Variants in SMCO4 observed in about 807,000 individuals in gnomAD.
The protein encoded by SMCO4 is single-pass membrane and coiled-coil domain-containing protein 4.
SMCO4 carries 4 observed loss-of-function variants against 3.6 expected under a neutral mutation model. The ratio of observed to expected loss-of-function variants is 1.11; its 90% CI spans 0.54 to 2.53. The LOEUF (loss-of-function observed/expected upper bound fraction) is 2.53, where lower values mean the gene tolerates loss of function less well. Ranked by LOEUF, SMCO4 falls within the 30% of genes most tolerant of loss-of-function variation. The pLI is 0.02. For missense variants in SMCO4, 70 were observed against 80.8 expected (o/e 0.87, Z 0.51); for synonymous variants, 36 against 35.3 (o/e 1.02, Z -0.07).
chr11:93,487,392 G>A (rs1361220098), intron 2 of SMCO4, among the ~76,000 whole-genome samples: 1 of 152,172 alleles, frequency 6.6e-6, no homozygotes, highest in Non-Finnish European at 1.5e-5. Context: ...CCCTGCTGCC[G>A]ACAGGCCACA....
At chr11:93,511,134 T>C (rs769737828) in intron 1 of SMCO4, among the ~76,000 whole-genome samples, 12 of 151,838 alleles carry the variant, frequency 7.9e-5, no homozygotes, top group Non-Finnish European at 5.9e-5. Flanking sequence ...ACTCAAAAGA[T>C]TTTGACCCAC....
At position 93,481,364 on chromosome 11, in the gene SMCO4, G is replaced by A. The variant is rs538696003; in HGVS notation, c.-80-2095C>T. On this transcript the variant is annotated intron_variant, in intron 2 of 2. Transcript: ENST00000298966. Reference sequence around the variant, plus strand: ...GGCTGAGACATCTCCACCCATACCCGTGGGCGGCCCAGGGACGGGTGCACT... The same window carrying A: ...GGCTGAGACATCTCCACCCATACCCATGGGCGGCCCAGGGACGGGTGCACT... 6.5e-4 allele frequency: 602 copies of A among 931,336 alleles called. 4 individuals are homozygous for A. The African/African-American group carries it at 9.3e-3, about 14-fold the overall frequency. 57.7% of individuals were successfully genotyped at this position (931,336 alleles called of 1,614,324 possible). A position where few individuals can be genotyped will look rare whatever the true frequency, so the allele number is the denominator to read the frequency against.
intron 2 of SMCO4, among the ~76,000 whole-genome samples, chr11:93,482,244 A>T (rs1948600089): frequency 6.6e-6 from 1 of 152,238 alleles, no homozygotes; most frequent in African/African-American, 2.4e-5. Flanking sequence ...TATGGTGAAA[A>T]GGGACCAACC....
At chr11:93,515,794 A>G (rs566991205) in intron 1 of SMCO4, among the ~76,000 whole-genome samples, 1 of 152,174 alleles carries the variant, frequency 6.6e-6, no homozygotes, top group East Asian at 1.9e-4. Flanking sequence ...ATGGGCTTGA[A>G]CAAATGTGCA....
intron 1 of SMCO4, among the ~76,000 whole-genome samples, chr11:93,516,025 G>A (rs1472019299): frequency 1.3e-5 from 2 of 152,100 alleles, no homozygotes; most frequent in African/African-American, 4.8e-5. Flanking sequence ...ATTCATTTGG[G>A]GCAGGGAAAG....
At chr11:93,521,472 A>T (rs1949058167) in intron 1 of SMCO4, among the ~76,000 whole-genome samples, 2 of 152,196 alleles carry the variant, frequency 1.3e-5, no homozygotes, top group Non-Finnish European at 2.9e-5. Flanking sequence ...TACCCTCATC[A>T]TACCCTGCCT....
chr11:93,535,879 G>A, intron 1 of SMCO4: 1 of 1,604,478 alleles, frequency 6.2e-7, no homozygotes, highest in Non-Finnish European at 8.5e-7. Flanking sequence ...TTTTCCTTTT[G>A]GCCACATAGC....
chr11:93,529,581 C>G (rs1171275430), intron 1 of SMCO4, among the ~76,000 whole-genome samples: 1 of 152,150 alleles, frequency 6.6e-6, no homozygotes, highest in Non-Finnish European at 1.5e-5. Flanking sequence ...AGTCTGAAAT[C>G]AGGCCCCCAT....
chr11:93,527,866 C>G (rs929046076), intron 1 of SMCO4, among the ~76,000 whole-genome samples: 17 of 152,112 alleles, frequency 1.1e-4, no homozygotes, highest in African/African-American at 4.1e-4. Context: ...CCCTCAAACT[C>G]CTGGGTTCAG....
chr11:93,507,740 T>A (rs756727985), intron 1 of SMCO4, among the ~76,000 whole-genome samples: 5 of 152,166 alleles, frequency 3.3e-5, no homozygotes, highest in Non-Finnish European at 7.4e-5. Flanking sequence ...TCAAAGACTA[T>A]CCACAATTAA....
At chr11:93,493,803 C>A in intron 2 of SMCO4, among the ~76,000 whole-genome samples, 1 of 152,144 alleles carries the variant, frequency 6.6e-6, no homozygotes. Flanking sequence ...CACTTCCAAG[C>A]CTCCTCATCT....
chr11:93,508,306 G>A (rs1223444023), intron 1 of SMCO4, among the ~76,000 whole-genome samples: 1 of 152,098 alleles, frequency 6.6e-6, no homozygotes, highest in Non-Finnish European at 1.5e-5. Context: ...TGCTGAGTAC[G>A]AAAATGGTAT....
chr11:93,512,163 T>C (rs1317056371), intron 1 of SMCO4, among the ~76,000 whole-genome samples: 3 of 152,232 alleles, frequency 2.0e-5, no homozygotes, highest in South Asian at 4.1e-4. Context: ...CTTCAAGTCA[T>C]AGTTTCCAAG....
chr11:93,509,621 G>A (rs1249341898), intron 1 of SMCO4, among the ~76,000 whole-genome samples: 6 of 152,152 alleles, frequency 3.9e-5, no homozygotes, highest in Admixed American at 1.3e-4. Context: ...CATATACCAC[G>A]AAAGACTACT....
Position 93,497,432 on chromosome 11 carries a change from C to A in SMCO4, c.-81+1844G>T, listed in dbSNP as rs553448141. ...ATTAAATTTCTTGTATTTAAATTAG[C>A]CTTAACAAAAACAAAACTTTCAAGA... On this transcript the variant is annotated intron_variant, in intron 2 of 2. Coordinates refer to ENST00000298966, the MANE Select transcript of SMCO4 (RefSeq NM_020179.3). Among the ~76,000 whole-genome samples the A allele has an allele frequency of 1.9e-4, 29 of 152,190 alleles. No individual in the cohort carries two copies. In the South Asian group the frequency reaches 6.0e-3, roughly 32 times the overall value.
At chr11:93,538,069 A>C (rs1949242865) in intron 1 of SMCO4, among the ~76,000 whole-genome samples, 1 of 152,226 alleles carries the variant, frequency 6.6e-6, no homozygotes, top group Non-Finnish European at 1.5e-5. Flanking sequence ...TCTGGCACTG[A>C]CTAGGGGAAA....
At chr11:93,543,108 G>A (rs1198002118) in intron 1 of SMCO4, among the ~76,000 whole-genome samples, 168 bp downstream of exon 1, 1 of 150,960 alleles carries the variant, frequency 6.6e-6, no homozygotes, top group Non-Finnish European at 1.5e-5. Flanking sequence ...GGACCCGCCG[G>A]GCGCCCAGGC....
At chr11:93,503,603 A>C (rs936110057) in intron 1 of SMCO4, among the ~76,000 whole-genome samples, 2 of 152,218 alleles carry the variant, frequency 1.3e-5, no homozygotes, top group African/African-American at 2.4e-5. Context: ...ACCTAAATTC[A>C]CATGCCCTTA....
Position 93,535,396 on chromosome 11 carries a change from G to A in SMCO4, c.-154+7880C>T, listed in dbSNP as rs76909255. On this transcript the variant is annotated intron_variant, in intron 1 of 2. Transcript: ENST00000298966. Reference sequence around the variant, plus strand: ...TTAACATCTACGATCTCAGCAATAAGAATCAAGAAGCCAAATAACCAGTTC... The same window carrying A: ...TTAACATCTACGATCTCAGCAATAAAAATCAAGAAGCCAAATAACCAGTTC... 4,343 of 878,878 alleles carry A rather than the reference G, an allele frequency of 4.9e-3. 121 individuals are homozygous for A. The African/African-American group carries it at 0.063, about 13-fold the overall frequency. The allele number at this position is 878,878 out of a possible 1,614,324, so 54.4% of individuals were successfully genotyped here. A position where few individuals can be genotyped will look rare whatever the true frequency, so the allele number is the denominator to read the frequency against.
Sources: gnomAD v4.1 joint callset for allele counts (sites outside exome capture counted in the v4.1 genomes callset) on GRCh38, gnomAD v4.1.1 for gene constraint, MANE v1.5 for transcripts, NCBI Gene and HGNC (gene_info 2026-07-23, HGNC 2026-07-21) for gene names.